Variants in CCSER1 observed in about 807,000 individuals in gnomAD.
The protein encoded by CCSER1 is coiled-coil serine rich protein 1, also known as serine-rich coiled-coil domain-containing protein 1.
A neutral mutation model predicts 82.0 loss-of-function variants in CCSER1; 41 were observed. The observed-to-expected ratio is 0.50, with a 90% CI of 0.39 to 0.65. The LOEUF (loss-of-function observed/expected upper bound fraction) is 0.65, where lower values mean the gene tolerates loss of function less well. CCSER1 is among the 30% of genes least tolerant of loss of function. The pLI is 0.00. For synonymous variants in CCSER1, 414 were observed against 383.9 expected (o/e 1.08, Z -0.92); for missense variants, 1,119 against 1,064.2 (o/e 1.05, Z -0.72).
At chr4:91,471,976 A>T (rs1757301755) in intron 10 of CCSER1, among the ~76,000 whole-genome samples, 1 of 151,296 alleles carries the variant, frequency 6.6e-6, no homozygotes, top group South Asian at 2.1e-4. Flanking sequence ...TCTCAAAAAA[A>T]AAAAAAAAAA....
intron 7 of CCSER1, among the ~76,000 whole-genome samples, chr4:90,743,333 T>G (rs1746869553): frequency 6.6e-6 from 1 of 152,188 alleles, no homozygotes; most frequent in Non-Finnish European, 1.5e-5. Context: ...TGAAGATAGA[T>G]ATAATTTGAA....
At chr4:91,222,184 G>A (rs1041173076) in intron 10 of CCSER1, among the ~76,000 whole-genome samples, 4 of 150,898 alleles carry the variant, frequency 2.7e-5, no homozygotes, top group Non-Finnish European at 5.9e-5. Flanking sequence ...GAAGAAGCAC[G>A]GATTATGCTC....
At chr4:90,472,927 C>T (rs1489742757) in intron 5 of CCSER1, among the ~76,000 whole-genome samples, 1 of 151,994 alleles carries the variant, frequency 6.6e-6, no homozygotes, top group African/African-American at 2.4e-5. Context: ...AGGTCATTAT[C>T]CTAAGTGAAA....
At chr4:91,529,141 A>C (rs1760906510) in intron 10 of CCSER1, among the ~76,000 whole-genome samples, 1 of 152,150 alleles carries the variant, frequency 6.6e-6, no homozygotes, top group Non-Finnish European at 1.5e-5. Context: ...TGACATTGGC[A>C]TACCCATAGA....
intron 5 of CCSER1, among the ~76,000 whole-genome samples, chr4:90,485,684 C>G (rs2153601231): frequency 6.6e-6 from 1 of 152,214 alleles, no homozygotes; most frequent in South Asian, 2.1e-4. Flanking sequence ...TTTTCCTGAT[C>G]CTTTCCTTTC....
chr4:91,311,819 C>A (rs1745503063), intron 10 of CCSER1, among the ~76,000 whole-genome samples: 1 of 151,826 alleles, frequency 6.6e-6, no homozygotes, highest in Non-Finnish European at 1.5e-5. Context: ...TGCACATAGA[C>A]ATCTTTTCAA....
chr4:90,736,646 A>G (rs1745695344), intron 7 of CCSER1, among the ~76,000 whole-genome samples: 1 of 150,472 alleles, frequency 6.6e-6, no homozygotes, highest in Admixed American at 6.6e-5. Context: ...CATTTTTTTT[A>G]TCCATTCAGC....
chr4:90,736,425 C>T (rs1745657182), intron 7 of CCSER1, among the ~76,000 whole-genome samples: 1 of 152,004 alleles, frequency 6.6e-6, no homozygotes, highest in East Asian at 1.9e-4. Context: ...ATTGTATCCT[C>T]TTGCTGAATT....
intron 1 of CCSER1, among the ~76,000 whole-genome samples, chr4:90,216,433 G>T (rs1216825736): frequency 6.6e-6 from 1 of 152,214 alleles, no homozygotes; most frequent in Non-Finnish European, 1.5e-5. Flanking sequence ...AGATAGTCCA[G>T]TGGATGGGAA....
chr4:90,879,250 C>G (rs1720832554), intron 8 of CCSER1, among the ~76,000 whole-genome samples: 1 of 152,128 alleles, frequency 6.6e-6, no homozygotes, highest in Admixed American at 6.6e-5. Flanking sequence ...TTGCGTTATT[C>G]AGCTCTGTCA....
intron 1 of CCSER1, among the ~76,000 whole-genome samples, chr4:90,154,370 T>C (rs970737720): frequency 2.0e-5 from 3 of 152,234 alleles, no homozygotes; most frequent in African/African-American, 7.2e-5. Context: ...GGGCTCTTTT[T>C]TGGTTCCATA....
chr4:91,290,641 A>G (rs1020310634), intron 10 of CCSER1, among the ~76,000 whole-genome samples: 1 of 151,994 alleles, frequency 6.6e-6, no homozygotes, highest in Non-Finnish European at 1.5e-5. Context: ...CTCAATGATT[A>G]TAGTATGTAT....
intron 9 of CCSER1, among the ~76,000 whole-genome samples, chr4:90,932,990 A>AAGAGAGAGAGAGAG (rs1554046135): frequency 4.1e-5 from 2 of 48,492 alleles, no homozygotes; most frequent in Admixed American, 2.3e-4. Context: ...AAGAGAAAGA[A>AAGAGAGAGAGAGAG]AGAAAGAAAG....
intron 8 of CCSER1, among the ~76,000 whole-genome samples, chr4:90,835,297 C>T (rs761024556): frequency 5.3e-5 from 8 of 152,122 alleles, no homozygotes; most frequent in Admixed American, 2.6e-4. Context: ...CGCCACTGCA[C>T]TCTAGCCCGG....
intron 5 of CCSER1, among the ~76,000 whole-genome samples, chr4:90,514,627 G>A (rs1301330013): frequency 6.6e-6 from 1 of 152,004 alleles, no homozygotes; most frequent in Non-Finnish European, 1.5e-5. Context: ...ATGGTGGCAG[G>A]TGCCGGTAAT....
At chr4:90,164,557 A>G (rs1730100494) in intron 1 of CCSER1, among the ~76,000 whole-genome samples, 1 of 152,128 alleles carries the variant, frequency 6.6e-6, no homozygotes, top group Admixed American at 6.6e-5. Context: ...AAGGACACAC[A>G]GCTAACTGAA....
chr4:90,405,865 T>C (rs1414951048), intron 4 of CCSER1, among the ~76,000 whole-genome samples: 1 of 152,038 alleles, frequency 6.6e-6, no homozygotes, highest in African/African-American at 2.4e-5. Flanking sequence ...AAAGGAGCTC[T>C]AAATCTTGAA....
At position 91,603,191 on chromosome 4, in the gene CCSER1, A is replaced by T. The variant is rs1764871842; in HGVS notation, c.*4134A>T. ...GAATTACACTGTAGTATAAAAGCAAACAGTCAACTAAGCAACCAAACAAAA... is the reference window on the plus strand; with the variant it reads ...GAATTACACTGTAGTATAAAAGCAATCAGTCAACTAAGCAACCAAACAAAA... On this transcript the variant is annotated 3_prime_UTR_variant, in exon 11 of 11. Transcript: ENST00000509176. The T allele has an allele frequency of 6.6e-6, 1 of 152,116 alleles. No homozygotes were observed. 9.4% of individuals were successfully genotyped at this position (152,116 alleles called of 1,614,324 possible). A position where few individuals can be genotyped will look rare whatever the true frequency, so the allele number is the denominator to read the frequency against.
At chr4:90,489,758 G>C (rs1767676652) in intron 5 of CCSER1, among the ~76,000 whole-genome samples, 1 of 152,140 alleles carries the variant, frequency 6.6e-6, no homozygotes, top group Non-Finnish European at 1.5e-5. Flanking sequence ...ACCTATGAGT[G>C]AGAACATGCG....
Sources: gnomAD v4.1 joint callset for allele counts (sites outside exome capture counted in the v4.1 genomes callset) on GRCh38, gnomAD v4.1.1 for gene constraint, MANE v1.5 for transcripts, NCBI Gene and HGNC (gene_info 2026-07-23, HGNC 2026-07-21) for gene names.